The following LRP1 variants were observed in gnomAD, a reference collection of about 807,000 sequenced individuals.
LRP1 encodes the protein LDL receptor related protein 1.
A neutral mutation model predicts 541.5 loss-of-function variants in LRP1; 51 were observed. The observed-to-expected ratio is 0.09, with a 90% CI of 0.08 to 0.12. The LOEUF (loss-of-function observed/expected upper bound fraction) is 0.12. Among genes scored for constraint, LRP1 ranks in the 10% least tolerant of loss-of-function variants. The pLI is 1.00. For missense variants in LRP1, 3,878 were observed against 6,376.2 expected, an observed-to-expected ratio of 0.61 and a Z score of 13.34; for synonymous variants, 2,219 against 2,470.8, an observed-to-expected ratio of 0.90 and a Z score of 3.02.
At chr12:57,194,857 T>C (rs2036494527) in intron 50 of LRP1, 128 bp from the exon 51 acceptor site, 4 of 1,164,034 alleles carry the variant, frequency 3.4e-6, no homozygotes, top group Non-Finnish European at 5.0e-6. Flanking sequence ...ACTCTGCCTC[T>C]AGCTGCTGCT....
rs927749911 is a variant in LRP1 at position 57,156,421 on chromosome 12, C to A, written c.1417+138C>A. The A allele has an allele frequency of 8.6e-6, 8 of 926,952 alleles. No homozygotes were observed. The African/African-American group carries it at 1.2e-4, about 14-fold the overall frequency. The allele number at this position is 926,952 out of a possible 1,614,324, so 57.4% of individuals were successfully genotyped here. A position where few individuals can be genotyped will look rare whatever the true frequency, so the allele number is the denominator to read the frequency against. Reference sequence around the variant, plus strand: ...TGTCATGACCGATTCTCCTAGCCAGCCACTCGGGCTACCTGCCCTGGCCCC... The same window carrying A: ...TGTCATGACCGATTCTCCTAGCCAGACACTCGGGCTACCTGCCCTGGCCCC... On this transcript the variant is annotated intron_variant, in intron 9 of 88. Transcript: ENST00000243077. The surrounding 1 kb of genome is among the most constrained non-coding windows in gnomAD (Gnocchi z 5.2).
At chr12:57,187,700 C>T (rs528086644) in intron 42 of LRP1, among the ~76,000 whole-genome samples, 5 of 152,326 alleles carry the variant, frequency 3.3e-5, no homozygotes, top group South Asian at 2.1e-4. Flanking sequence ...CTGTGGGGGA[C>T]GCTCTGCCTT....
chr12:57,207,040 G>GACCA (rs1199862004), intron 76 of LRP1, among the ~76,000 whole-genome samples: 6 of 152,154 alleles, frequency 3.9e-5, no homozygotes, highest in African/African-American at 1.4e-4. Context: ...AGGAGATCCA[G>GACCA]ACCAACCTGG....
rs377417744 is a variant in LRP1 at position 57,208,664 on chromosome 12, C to T, written c.12039-47C>T. On this transcript the variant is annotated intron_variant, in intron 77 of 88. Transcript: ENST00000243077. The stretch of plus-strand genomic sequence containing the variant: ...GCTGGTGTCCTGCCTGGGCCTGCCT[C>T]CTCTGGCCCTCCGGCCTGCCCACAC... The T allele has an allele frequency of 7.9e-6, 10 of 1,262,108 alleles. No individual in the cohort carries two copies. The Middle Eastern group carries it at 5.7e-4, about 71-fold the overall frequency. 78.2% of individuals were successfully genotyped at this position (1,262,108 alleles called of 1,614,324 possible). A position where few individuals can be genotyped will look rare whatever the true frequency, so the allele number is the denominator to read the frequency against.
Position 57,181,238 on chromosome 12 carries a change from C to G in LRP1, c.5609C>G (p.Ser1870Cys), listed in dbSNP as rs1214472439. ...CTGCCCACGTCAGAGACGACCCGCT[C>G]CTGCATGTGCACAGCCGGCTATAGC... is the stretch of plus-strand genomic sequence containing the variant. Reference protein sequence around the residue: ...LCLPTSETTRSCMCTAGYSLR... With the variant: ...LCLPTSETTRCCMCTAGYSLR... The change falls in exon 34 of 89, where the codon TCC becomes TGC. Residue 1870 changes from serine to cysteine, a missense_variant. Physicochemically the swap from Ser to Cys is moderately radical, Grantham distance 112. Coordinates refer to ENST00000243077, the MANE Select transcript of LRP1 (RefSeq NM_002332.3). 1 of 1,613,580 alleles carries G rather than the reference C, an allele frequency of 6.2e-7. No homozygotes were observed. The highest frequency in any genetic ancestry group is 1.3e-5 in the African/African-American group (1 of 74,944).
At position 57,142,150 on chromosome 12, in the gene LRP1, C is replaced by A. The variant is rs527703928; in HGVS notation, c.328+639C>A. 1.9e-4 allele frequency among the ~76,000 whole-genome samples: 29 copies of A among 152,362 alleles called. No individual in the cohort carries two copies. The East Asian group carries it at 4.8e-3, about 25-fold the overall frequency. On this transcript the variant is annotated intron_variant, in intron 3 of 88. Transcript: ENST00000243077. ...GTCACCAGCTCTACAGTCTTTCCCC[C>A]AAAGGGCCCTGTGGGCCATGGAGAG...
intron 6 of LRP1, among the ~76,000 whole-genome samples, chr12:57,153,861 G>A (rs1305559239): frequency 6.6e-6 from 1 of 151,900 alleles, no homozygotes; most frequent in Non-Finnish European, 1.5e-5. Context: ...AAGCAAAGAT[G>A]TGTAATGTTT....
At chr12:57,138,609 C>T (rs766482754) in intron 2 of LRP1, 28 bp downstream of exon 2, 112 of 1,612,402 alleles carry the variant, frequency 6.9e-5, no homozygotes, top group Non-Finnish European at 9.1e-5. Flanking sequence ...ATTCTTCTCC[C>T]CAAACCCTTA....
chr12:57,135,001 G>A (rs559846253), intron 1 of LRP1, among the ~76,000 whole-genome samples: 6 of 152,242 alleles, frequency 3.9e-5, no homozygotes, highest in African/African-American at 1.2e-4. Context: ...CACCATGCCC[G>A]GCCTGGTTTC....
At chr12:57,136,502 T>C (rs1262844027) in intron 1 of LRP1, among the ~76,000 whole-genome samples, 1 of 145,348 alleles carries the variant, frequency 6.9e-6, no homozygotes, top group East Asian at 2.1e-4. Context: ...GGGCAGAGGG[T>C]CATCTCACCC....
rs139504424 is a variant in LRP1, at chr12:57,203,471, C to A, written c.10901C>A (p.Ala3634Glu). Residue 3634 changes from alanine (A) to glutamate (E), a missense_variant, in exon 70 of 89, where the codon GCA (alanine) becomes GAA (glutamate). Physicochemically the swap from Ala to Glu is moderately radical, Grantham distance 107 (BLOSUM62 -1). Coordinates refer to ENST00000243077, the MANE Select transcript of LRP1 (RefSeq NM_002332.3). ...ATCCCCCTGCGCTGGCGCTGTGACG[C>A]AGACGCCGACTGCATGGACGGCAGC... ...HCIPLRWRCD[A>E]DADCMDGSDE... 1 of 1,586,556 alleles carries A rather than the reference C, an allele frequency of 6.3e-7. No individual in the cohort carries two copies. The highest frequency in any genetic ancestry group is 1.3e-5 in the African/African-American group (1 of 74,334).
At position 57,200,775 on chromosome 12, in the gene LRP1, C is replaced by T. The variant is rs762075951; in HGVS notation, c.10185C>T (p.Gly3395=). Residue 3395 remains glycine, a synonymous_variant, in exon 64 of 89, where the codon GGC becomes GGT. Coordinates refer to ENST00000243077, the MANE Select transcript of LRP1 (RefSeq NM_002332.3). ...ICTNPAFICD[G]DNDCQDNSDE... is the part of the protein sequence containing the mutation. ...CAAACCCTGCCTTCATCTGCGATGG[C>T]GACAATGACTGCCAGGACAACAGTG... 47 of 1,613,930 alleles carry T rather than the reference C, an allele frequency of 2.9e-5. No homozygotes were observed. Among genetic ancestry groups the T allele is most frequent in the East Asian group, 1.8e-4 (8 of 44,886 alleles).
chr12:57,176,567 AG>A (rs1311053736), intron 24 of LRP1, among the ~76,000 whole-genome samples: 1 of 152,194 alleles, frequency 6.6e-6, no homozygotes, highest in African/African-American at 2.4e-5. Flanking sequence ...TCCCCTGAGA[AG>A]GTGACATCTG....
rs2035864350 is a variant in LRP1, at chr12:57,167,543, C to T, written c.2995+19C>T. On this transcript the variant is annotated intron_variant, in intron 19 of 88. Transcript: ENST00000243077. ...GACAATGGTAAGAGCTTGCTCTCCT[C>T]ACCTGCTGATTCCTAAGACAGCTAG... The T allele has an allele frequency of 6.2e-7, 1 of 1,602,298 alleles. No individual in the cohort carries two copies. The highest frequency in any genetic ancestry group is 8.6e-7 in the Non-Finnish European group (1 of 1,169,304).
At chr12:57,191,194 A>G in intron 43 of LRP1, 126 bp from the exon 44 acceptor site, 1 of 1,137,934 alleles carries the variant, frequency 8.8e-7, no homozygotes, top group Non-Finnish European at 1.3e-6. Flanking sequence ...TAGACGAGGG[A>G]GATAGCAGGA....
At position 57,160,976 on chromosome 12, in the gene LRP1, A is replaced by G. The variant is rs770751937; in HGVS notation, c.2063A>G (p.His688Arg). ...RLERAWMDGS[H>R]RDIFVTSKTV... is the part of the protein sequence containing the mutation. ...GAGAGGGCGTGGATGGATGGCTCAC[A>G]CCGAGACATCTTTGTCACCTCCAAG... Residue 688 changes from histidine (H) to arginine (R), a missense_variant, in exon 13 of 89, where the codon CAC becomes CGC. Around this residue, in one of 13 missense-constraint regions of LRP1, gnomAD observed 496 missense variants for 861.0 expected, o/e 0.58. Coordinates refer to ENST00000243077, the MANE Select transcript of LRP1 (RefSeq NM_002332.3). 3.2e-5 allele frequency: 51 copies of G among 1,613,890 alleles called. No homozygotes were observed. Among genetic ancestry groups the G allele is most frequent in the Non-Finnish European group, 3.8e-5 (45 of 1,180,024 alleles).
chr12:57,203,705 G>C (rs1173315532), intron 70 of LRP1, 184 bp downstream of exon 70: 3 of 759,446 alleles, frequency 4.0e-6, no homozygotes, highest in African/African-American at 1.8e-5. Context: ...CAAGACACAG[G>C]GCCCCTGAAT....
In LRP1 at chr12:57,183,474, G is replaced by A. The variant is rs1047145802; in HGVS notation, c.5758G>A (p.Gly1920Arg). 1.2e-6 allele frequency: 2 copies of A among 1,614,050 alleles called. No homozygotes were observed. Among genetic ancestry groups the A allele is most frequent in the East Asian group, 2.2e-5 (1 of 44,880 alleles). The change falls in exon 35 of 89, where the codon GGG becomes AGG. Residue 1920 changes from glycine to arginine, a missense_variant. This residue lies in a region of LRP1 where 394 missense variants were observed against 635.9 expected (regional missense o/e 0.62). Transcript: ENST00000243077. The surrounding 1 kb of genome is among the most constrained non-coding windows in gnomAD (Gnocchi z 6.1). ...DKSDALVPVS[G>R]TSLAVGIDFH... is the part of the protein sequence containing the mutation. ...GTCAGATGCCCTGGTCCCAGTGTCC[G>A]GGACCTCGCTGGCTGTCGGCATCGA... is the stretch of plus-strand genomic sequence containing the variant.
intron 76 of LRP1, among the ~76,000 whole-genome samples, chr12:57,207,792 G>A (rs2136752613): frequency 6.6e-6 from 1 of 152,292 alleles, no homozygotes; most frequent in African/African-American, 2.4e-5. Context: ...AACCTCTTTG[G>A]GTTTCACTTT....
Sources: gnomAD v4.1 joint callset for allele counts (sites outside exome capture counted in the v4.1 genomes callset) on GRCh38, gnomAD v4.1.1 for gene constraint, gnomAD v4.1.1 regional missense constraint, Gnocchi (gnomAD v3.1) non-coding constraint, MANE v1.5 for transcripts, NCBI Gene and HGNC (gene_info 2026-07-23, HGNC 2026-07-21) for gene names.